MAP2K5: variants seen among roughly 807,000 people sequenced by gnomAD.
MAP2K5 encodes dual specificity mitogen-activated protein kinase kinase 5.
Under a neutral mutation model 83.1 loss-of-function variants are expected in MAP2K5, and 49 were observed. The observed-to-expected ratio is 0.59, with a 90% confidence interval of 0.47 to 0.75. The LOEUF (loss-of-function observed/expected upper bound fraction) is 0.75, where lower values mean the gene tolerates loss of function less well. Ranked by LOEUF, MAP2K5 falls within the 30% of genes least tolerant of loss-of-function variation. The probability of loss-of-function intolerance (pLI) is 0.00; values close to 1 mark genes in which losing one functional copy is unlikely to be tolerated. For synonymous variants in MAP2K5, 202 were observed against 191.8 expected (o/e 1.05, Z -0.44); for missense variants, 457 against 557.5 (o/e 0.82, Z 1.82).
intron 21 of MAP2K5, 64 bp downstream of exon 21, chr15:67,772,816 T>G (rs2090167791): frequency 2.9e-6 from 4 of 1,372,100 alleles, no homozygotes; most frequent in Non-Finnish European, 4.1e-6. Flanking sequence ...ACATTCTGTT[T>G]AAAAGTCCAG....
chr15:67,804,139 C>A (rs150695874), intron 21 of MAP2K5, among the ~76,000 whole-genome samples: 1 of 152,142 alleles, frequency 6.6e-6, no homozygotes, highest in Non-Finnish European at 1.5e-5. Flanking sequence ...AGTGCCGTCA[C>A]GACCCCCCGC....
At chr15:67,715,975 C>A (rs997778569) in intron 16 of MAP2K5, among the ~76,000 whole-genome samples, 2 of 152,112 alleles carry the variant, frequency 1.3e-5, no homozygotes, top group African/African-American at 4.8e-5. Context: ...AGATTTTTTT[C>A]TGTAGAAGAC....
chr15:67,586,800 T>C (rs1263248819), intron 5 of MAP2K5, 46 bp from the exon 6 acceptor site: 3 of 1,552,490 alleles, frequency 1.9e-6, no homozygotes, highest in Non-Finnish European at 2.7e-6. Flanking sequence ...ATTAGAACTG[T>C]GTCCTCAGAA....
chr15:67,651,484 C>G (rs561018822), intron 11 of MAP2K5, among the ~76,000 whole-genome samples: 1 of 152,232 alleles, frequency 6.6e-6, no homozygotes, highest in East Asian at 1.9e-4. Flanking sequence ...TTCTATCTGA[C>G]TGTACTTTTT....
Position 67,559,777 on chromosome 15 carries a change from T to G in MAP2K5, c.185-3506T>G, listed in dbSNP as rs117280989. The stretch of plus-strand genomic sequence containing the variant: ...GCCTGGAATTCTCATTGTGAACCAA[T>G]GTATCAGATCTGTCTGCTCCCCTAC... On this transcript the variant is annotated intron_variant, in intron 2 of 21. Coordinates refer to ENST00000178640, the MANE Select transcript of MAP2K5 (RefSeq NM_145160.3). The surrounding 1 kb of genome is among the most constrained non-coding windows in gnomAD (Gnocchi z 4.7). Among the ~76,000 whole-genome samples, 525 of 152,340 alleles carry G rather than the reference T, an allele frequency of 3.4e-3. 1 individual carries two copies. The highest frequency in any genetic ancestry group is 6.2e-3 in the Non-Finnish European group (420 of 68,022).
chr15:67,566,345 T>G (rs2084839329), intron 3 of MAP2K5, among the ~76,000 whole-genome samples: 1 of 152,050 alleles, frequency 6.6e-6, no homozygotes, highest in East Asian at 1.9e-4. Context: ...CGGCTAATTT[T>G]TGTACTTTTT....
At chr15:67,658,086 T>C (rs1004403149) in intron 11 of MAP2K5, among the ~76,000 whole-genome samples, 3 of 152,102 alleles carry the variant, frequency 2.0e-5, no homozygotes, top group African/African-American at 7.2e-5. Context: ...TTAAAATAGA[T>C]CTCATAATCA....
intron 5 of MAP2K5, among the ~76,000 whole-genome samples, 181 bp from the exon 6 acceptor site, chr15:67,586,665 T>G (rs1327673089): frequency 1.3e-5 from 2 of 152,212 alleles, no homozygotes; most frequent in African/African-American, 2.4e-5. Context: ...TAGAATATTA[T>G]GTAATGTATG....
intron 2 of MAP2K5, among the ~76,000 whole-genome samples, chr15:67,558,150 G>A (rs372945493): frequency 3.3e-5 from 5 of 152,168 alleles, no homozygotes; most frequent in South Asian, 2.1e-4. Context: ...CTTTACTCAA[G>A]CACCAGACTA....
At chr15:67,685,301 C>T (rs1223189644) in intron 13 of MAP2K5, among the ~76,000 whole-genome samples, 1 of 152,182 alleles carries the variant, frequency 6.6e-6, no homozygotes, top group Admixed American at 6.5e-5. Flanking sequence ...GGAAAGACGT[C>T]TTTAAAATGT....
chr15:67,762,998 A>G (rs1031536151), intron 19 of MAP2K5, among the ~76,000 whole-genome samples: 2 of 152,200 alleles, frequency 1.3e-5, no homozygotes, highest in African/African-American at 4.8e-5. Flanking sequence ...CACGCCTGGC[A>G]GCCCAGAGCA....
chr15:67,645,948 AGT>A (rs2141118429), intron 9 of MAP2K5, among the ~76,000 whole-genome samples: 1 of 152,276 alleles, frequency 6.6e-6, no homozygotes, highest in African/African-American at 2.4e-5. Context: ...ATAAATTAAG[AGT>A]GTTATAACTT....
At chr15:67,699,995 T>C (rs1470145445) in intron 15 of MAP2K5, among the ~76,000 whole-genome samples, 1 of 149,288 alleles carries the variant, frequency 6.7e-6, no homozygotes, top group Non-Finnish European at 1.5e-5. Flanking sequence ...AAAATCCTCA[T>C]CACTTGTGAT....
At chr15:67,617,754 C>T (rs538055234) in intron 8 of MAP2K5, among the ~76,000 whole-genome samples, 7 of 152,238 alleles carry the variant, frequency 4.6e-5, no homozygotes, top group East Asian at 3.9e-4. Context: ...TGCAGTGATA[C>T]GATCATGGCT....
chr15:67,736,471 A>G lies in MAP2K5; in HGVS notation c.1074+8526A>G, dbSNP rs1201916698. Among the ~76,000 whole-genome samples the G allele has an allele frequency of 1.3e-5, 2 of 152,182 alleles. No homozygotes were observed. Among genetic ancestry groups the G allele is most frequent in the Non-Finnish European group, 2.9e-5 (2 of 68,032 alleles). ...GAGCTAGGTAATATTAGTATTATTT[A>G]TATTTCCAGAAAGTTCTTCAGGGAT... On this transcript the variant is annotated intron_variant, in intron 17 of 21. Transcript: ENST00000178640. This position sits in a 1 kb window ranked among gnomAD's most constrained non-coding sequence, Gnocchi z 4.3.
rs578175511 is a variant in MAP2K5 at position 67,799,801 on chromosome 15, T to C, written c.1243-6845T>C. ...TGTTACAACAGCAGCAGTACTTCCATATAGAATGAAGCCAGGAGAAGGGAG... is the reference window on the plus strand; with the variant it reads ...TGTTACAACAGCAGCAGTACTTCCACATAGAATGAAGCCAGGAGAAGGGAG... On this transcript the variant is annotated intron_variant, in intron 21 of 21. Coordinates refer to ENST00000178640, the MANE Select transcript of MAP2K5 (RefSeq NM_145160.3). Among the ~76,000 whole-genome samples, 4 of 152,280 alleles carry C rather than the reference T, an allele frequency of 2.6e-5. No homozygotes were observed. In the East Asian group the frequency reaches 5.8e-4, roughly 22 times the overall value.
At chr15:67,765,619 C>T (rs887153327) in intron 19 of MAP2K5, among the ~76,000 whole-genome samples, 5 of 152,008 alleles carry the variant, frequency 3.3e-5, no homozygotes, top group African/African-American at 1.2e-4. Flanking sequence ...TTGGAGTGTC[C>T]AGCTTACCTG....
intron 1 of MAP2K5, among the ~76,000 whole-genome samples, chr15:67,547,204 T>G (rs1004246516): frequency 3.9e-5 from 6 of 152,264 alleles, no homozygotes; most frequent in Admixed American, 3.9e-4. Context: ...CTTATACTCT[T>G]AAGTGTTTTA....
At chr15:67,578,009 G>T (rs181073501) in intron 3 of MAP2K5, among the ~76,000 whole-genome samples, 49 of 152,060 alleles carry the variant, frequency 3.2e-4, no homozygotes, top group African/African-American at 1.2e-3. Flanking sequence ...CAAAAAAAAA[G>T]AAAACCCCAA....
Sources: gnomAD v4.1 joint callset for allele counts (sites outside exome capture counted in the v4.1 genomes callset) on GRCh38, gnomAD v4.1.1 for gene constraint, Gnocchi (gnomAD v3.1) non-coding constraint, MANE v1.5 for transcripts, NCBI Gene and HGNC (gene_info 2026-07-23, HGNC 2026-07-21) for gene names.